VWA5B2: variants seen among roughly 807,000 people sequenced by gnomAD.
VWA5B2 encodes the protein von Willebrand factor A domain-containing protein 5B2.
A neutral mutation model predicts 118.5 loss-of-function variants in VWA5B2; 93 were observed. The ratio of observed to expected loss-of-function variants is 0.79; its 90% CI spans 0.66 to 0.93. VWA5B2 has a LOEUF of 0.93. Ranked by LOEUF, VWA5B2 falls within the 40% of genes least tolerant of loss-of-function variation. The probability of loss-of-function intolerance (pLI) is 0.00; values close to 1 mark genes in which losing one functional copy is unlikely to be tolerated. For synonymous variants in VWA5B2, 708 were observed against 716.3 expected (o/e 0.99, Z 0.19); for missense variants, 1,546 against 1,672.8 (o/e 0.92, Z 1.32).
At chr3:184,236,852 C>G (rs896517883) in intron 11 of VWA5B2, 103 bp downstream of exon 11, 23 of 1,021,116 alleles carry the variant, frequency 2.3e-5, no homozygotes, top group Non-Finnish European at 3.1e-5. Context: ...GGGCTCCTGG[C>G]GCCCTCACCA....
Position 184,237,483 on chromosome 3 carries a change from C to A in VWA5B2, c.1719+72C>A. ...GGGCCTGGGATGGCTGAAGTCCCCG[C>A]ATCTCTTCCAAACCCTTTTTCCATT... On this transcript the variant is annotated intron_variant, in intron 12 of 19. Transcript: ENST00000691901. The surrounding 1 kb of genome is among the most constrained non-coding windows in gnomAD (Gnocchi z 5.6). 7.0e-7 allele frequency: 1 copy of A among 1,425,914 alleles called. No individual in the cohort carries two copies. Among genetic ancestry groups the A allele is most frequent in the Non-Finnish European group, 9.5e-7 (1 of 1,056,938 alleles). The allele number at this position is 1,425,914 out of a possible 1,614,324, so 88.3% of individuals were successfully genotyped here. A position where few individuals can be genotyped will look rare whatever the true frequency, so the allele number is the denominator to read the frequency against.
In VWA5B2 at chr3:184,233,595, G is replaced by A. The variant is rs376273074; in HGVS notation, c.550G>A (p.Val184Met). ...TTCCAGCCCCACCAGCTGCTTCGGG[G>A]TGGGCAGCCTTCAGGAGGAAGGGCT... ...CDDSPTSCFGVGSLQEEGLAW... is the reference protein window; with the variant it reads ...CDDSPTSCFGMGSLQEEGLAW... Residue 184 changes from valine (V) to methionine (M), a missense_variant, in exon 5 of 20, where the codon GTG becomes ATG. This residue lies in a region of VWA5B2 where 775 missense variants were observed against 882.3 expected (regional missense o/e 0.88). Transcript: ENST00000691901. This position sits in a 1 kb window ranked among gnomAD's most constrained non-coding sequence, Gnocchi z 5.2. 2.8e-4 allele frequency: 437 copies of A among 1,550,898 alleles called. 1 individual carries two copies. In the African/African-American group the frequency reaches 5.5e-3, roughly 20 times the overall value.
rs952742768 is a variant in VWA5B2, at chr3:184,233,072, A to G, written c.311-106A>G. The stretch of plus-strand genomic sequence containing the variant: ...GCATTAGCCTAGTGCCAACACGCAA[A>G]GTCCCCCTTGCCCAGGCTCCCTGAC... On this transcript the variant is annotated intron_variant, in intron 3 of 19. Coordinates refer to ENST00000691901, the MANE Select transcript of VWA5B2 (RefSeq NM_001390846.1). This position sits in a 1 kb window ranked among gnomAD's most constrained non-coding sequence, Gnocchi z 5.2. 3 of 996,878 alleles carry G rather than the reference A, an allele frequency of 3.0e-6. No homozygotes were observed. In the Admixed American group the frequency reaches 7.8e-5, roughly 26 times the overall value. The allele number at this position is 996,878 out of a possible 1,614,324, so 61.8% of individuals were successfully genotyped here. A position where few individuals can be genotyped will look rare whatever the true frequency, so the allele number is the denominator to read the frequency against.
rs1717772021 is a variant in VWA5B2, at chr3:184,234,659, G to A, written c.849G>A (p.Glu283=). 5 of 1,551,264 alleles carry A rather than the reference G, an allele frequency of 3.2e-6. No individual in the cohort carries two copies. Among genetic ancestry groups the A allele is most frequent in the Non-Finnish European group, 4.4e-6 (5 of 1,147,002 alleles). The change falls in exon 7 of 20, where the codon GAG becomes GAA. Residue 283 remains glutamate (E), a synonymous_variant. Coordinates refer to ENST00000691901, the MANE Select transcript of VWA5B2 (RefSeq NM_001390846.1). ...SEPHQPHLML[E]GGSLSSAEYE... is the part of the protein sequence containing the mutation. ...CCCATCAGCCACACCTGATGCTGGA[G>A]GGCGGCAGCCTGAGCTCAGCAGAAT...
At chr3:184,240,579 A>T (rs1718479135) in intron 16 of VWA5B2, 9 of 642,028 alleles carry the variant, frequency 1.4e-5, no homozygotes, top group Admixed American at 6.1e-5. Context: ...CTGGGCAGCC[A>T]GGGGGCTCTT....
intron 3 of VWA5B2, among the ~76,000 whole-genome samples, chr3:184,232,367 G>C (rs1156519579): frequency 1.3e-5 from 2 of 152,200 alleles, no homozygotes; most frequent in Non-Finnish European, 2.9e-5. Flanking sequence ...ACTTGATGCT[G>C]TGCTGTCTCC....
In VWA5B2 at chr3:184,242,001, A is replaced by C. The variant is rs1207510777; in HGVS notation, c.3692A>C (p.Gln1231Pro). The C allele has an allele frequency of 6.4e-7, 1 of 1,550,442 alleles. No individual in the cohort carries two copies. Among genetic ancestry groups the C allele is most frequent in the Non-Finnish European group, 8.7e-7 (1 of 1,146,970 alleles). ...CTGCGCCACTGGGACCAAAACCTGC[A>C]GCTACACCTGCTGTGCTACAGCCCA... Reference protein sequence around the residue: ...LLLRHWDQNLQLHLLCYSPAN... With the variant: ...LLLRHWDQNLPLHLLCYSPAN... The change falls in exon 20 of 20, where the codon CAG becomes CCG. Residue 1231 changes from glutamine (Q) to proline (P), a missense_variant. By Grantham distance (76) the Gln-to-Pro change is moderately conservative. This residue lies in a region of VWA5B2 where 763 missense variants were observed against 766.6 expected (regional missense o/e 1.00). Transcript: ENST00000691901.
At position 184,233,872 on chromosome 3, in the gene VWA5B2, T is replaced by A. The variant is rs1418808692; in HGVS notation, c.688+139T>A. On this transcript the variant is annotated intron_variant, in intron 5 of 19. Transcript: ENST00000691901. This position sits in a 1 kb window ranked among gnomAD's most constrained non-coding sequence, Gnocchi z 5.2. Reference sequence around the variant, plus strand: ...ACCCCAGCCTCCGGAACATCTGGGTTAGTGGTGGGAGCATCCCCTGGTCAC... The same window carrying A: ...ACCCCAGCCTCCGGAACATCTGGGTAAGTGGTGGGAGCATCCCCTGGTCAC... The A allele has an allele frequency of 1.6e-6, 2 of 1,235,016 alleles. No homozygotes were observed. Among genetic ancestry groups the A allele is most frequent in the Non-Finnish European group, 1.1e-6 (1 of 908,288 alleles). 76.5% of individuals were successfully genotyped at this position (1,235,016 alleles called of 1,614,324 possible). A position where few individuals can be genotyped will look rare whatever the true frequency, so the allele number is the denominator to read the frequency against.
chr3:184,235,013 G>T, intron 7 of VWA5B2, 140 bp from the exon 8 acceptor site: 1 of 1,188,166 alleles, frequency 8.4e-7, no homozygotes. Flanking sequence ...CTTTGCTCCT[G>T]CCTTTATTCG....
In VWA5B2 at chr3:184,239,272, C is replaced by G; in HGVS notation, c.2203-122C>G. The G allele has an allele frequency of 8.6e-7, 1 of 1,167,774 alleles. No individual in the cohort carries two copies. The highest frequency in any genetic ancestry group is 1.1e-6 in the Non-Finnish European group (1 of 871,528). The allele number at this position is 1,167,774 out of a possible 1,614,324, so 72.3% of individuals were successfully genotyped here. On this transcript the variant is annotated intron_variant, in intron 14 of 19. Transcript: ENST00000691901. The surrounding 1 kb of genome is among the most constrained non-coding windows in gnomAD (Gnocchi z 5.1). ...AGGCCATAAGGAACTTGGCCTTCCT[C>G]CTCAAGCTGGTGAGCGGCCACCCAG...
At position 184,233,034 on chromosome 3, in the gene VWA5B2, C is replaced by A; in HGVS notation, c.311-144C>A. 1 of 674,364 alleles carries A rather than the reference C, an allele frequency of 1.5e-6. No homozygotes were observed. Among genetic ancestry groups the A allele is most frequent in the Non-Finnish European group, 2.6e-6 (1 of 391,042 alleles). 41.8% of individuals were successfully genotyped at this position (674,364 alleles called of 1,614,324 possible). ...CCATCATTCATCTCATGCCTCCATC[C>A]TGCGTCACCAATGCATTAGCCTAGT... On this transcript the variant is annotated intron_variant, in intron 3 of 19. Coordinates refer to ENST00000691901, the MANE Select transcript of VWA5B2 (RefSeq NM_001390846.1). This position sits in a 1 kb window ranked among gnomAD's most constrained non-coding sequence, Gnocchi z 5.2.
chr3:184,241,437 CG>C lies in VWA5B2; in HGVS notation c.3180+37del. The stretch of plus-strand genomic sequence containing the variant: ...CTCGGGAGGTGGAGGGTGGTGCCGC[CG>C]GGGCCGGGCGCTGTTTCAGCTCGCT... On this transcript the variant is annotated intron_variant, in intron 19 of 19. Coordinates refer to ENST00000691901, the MANE Select transcript of VWA5B2 (RefSeq NM_001390846.1). This position sits in a 1 kb window ranked among gnomAD's most constrained non-coding sequence, Gnocchi z 5.1. 6.4e-7 allele frequency: 1 copy of C among 1,567,526 alleles called. No individual in the cohort carries two copies. The highest frequency in any genetic ancestry group is 8.7e-7 in the Non-Finnish European group (1 of 1,154,854).
chr3:184,231,101 T>G (rs1162669806), intron 3 of VWA5B2, among the ~76,000 whole-genome samples, 184 bp downstream of exon 3: 2 of 152,188 alleles, frequency 1.3e-5, no homozygotes, highest in African/African-American at 4.8e-5. Context: ...TGGGAGAACA[T>G]GGCCCGGAGG....
In VWA5B2 at chr3:184,236,461, G is replaced by C; in HGVS notation, c.1331G>C (p.Arg444Pro). ...CAGCCCCAGCACAGGGCCTACCCTC[G>C]GCAGCTGTTCCTGCTCACTGCTGCC... ...VGQPQHRAYP[R>P]QLFLLTAASP... Residue 444 changes from arginine to proline, a missense_variant, in exon 10 of 20, where the codon CGG becomes CCG. Around this residue, in one of 3 missense-constraint regions of VWA5B2, gnomAD observed 775 missense variants for 882.3 expected, o/e 0.88. Transcript: ENST00000691901. 1 of 1,546,600 alleles carries C rather than the reference G, an allele frequency of 6.5e-7. No individual in the cohort carries two copies. Among genetic ancestry groups the C allele is most frequent in the South Asian group, 1.2e-5 (1 of 84,064 alleles).
chr3:184,235,049 TG>T, intron 7 of VWA5B2, 103 bp from the exon 8 acceptor site: 1 of 1,376,772 alleles, frequency 7.3e-7, no homozygotes. Flanking sequence ...ATGTCCCCTC[TG>T]GGTGGATCAG....
chr3:184,230,757 G>A lies in VWA5B2; in HGVS notation c.150G>A (p.Val50=). 1 of 1,225,690 alleles carries A rather than the reference G, an allele frequency of 8.2e-7. No homozygotes were observed. Among genetic ancestry groups the A allele is most frequent in the Non-Finnish European group, 1.0e-6 (1 of 984,832 alleles). The allele number at this position is 1,225,690 out of a possible 1,614,324, so 75.9% of individuals were successfully genotyped here. The part of the protein sequence containing the change: ...PQPQPVDGVF[V]YPLAEAEVVS... ...CGCCGCCCTCCCCAGGCGTGTTCGT[G>A]TACCCGCTGGCCGAGGCCGAGGTGG... Residue 50 remains valine (V), a synonymous_variant, in exon 3 of 20, where the codon GTG becomes GTA. Transcript: ENST00000691901.
chr3:184,233,282 G>C lies in VWA5B2; in HGVS notation c.415G>C (p.Glu139Gln). 1 of 1,544,318 alleles carries C rather than the reference G, an allele frequency of 6.5e-7. No individual in the cohort carries two copies. Among genetic ancestry groups the C allele is most frequent in the Non-Finnish European group, 8.7e-7 (1 of 1,143,716 alleles). ...GACGGTGACCCTGCACAGCAGCCGG[G>C]AGCTGCCCTCAAGGCCTGACGGGGT... ...TMTVTLHSSR[E>Q]LPSRPDGVLH... The change falls in exon 4 of 20, where the codon GAG (glutamate) becomes CAG (glutamine). Residue 139 changes from glutamate to glutamine, a missense_variant. Physicochemically the swap from Glu to Gln is conservative, Grantham distance 29. Coordinates refer to ENST00000691901, the MANE Select transcript of VWA5B2 (RefSeq NM_001390846.1). This position sits in a 1 kb window ranked among gnomAD's most constrained non-coding sequence, Gnocchi z 5.2.
At position 184,239,287 on chromosome 3, in the gene VWA5B2, C is replaced by A; in HGVS notation, c.2203-107C>A. On this transcript the variant is annotated intron_variant, in intron 14 of 19. Transcript: ENST00000691901. The surrounding 1 kb of genome is among the most constrained non-coding windows in gnomAD (Gnocchi z 5.1). ...TGGCCTTCCTCCTCAAGCTGGTGAGCGGCCACCCAGGGTTTCAGAAAAGGG... is the reference window on the plus strand; with the variant it reads ...TGGCCTTCCTCCTCAAGCTGGTGAGAGGCCACCCAGGGTTTCAGAAAAGGG... The A allele has an allele frequency of 1.6e-6, 2 of 1,270,520 alleles. No homozygotes were observed. The highest frequency in any genetic ancestry group is 1.5e-5 in the African/African-American group (1 of 65,614). The allele number at this position is 1,270,520 out of a possible 1,614,324, so 78.7% of individuals were successfully genotyped here. A position where few individuals can be genotyped will look rare whatever the true frequency, so the allele number is the denominator to read the frequency against.
At position 184,234,758 on chromosome 3, in the gene VWA5B2, A is replaced by G. The variant is rs777868499; in HGVS notation, c.945+3A>G. Reference sequence around the variant, plus strand: ...GGGACAGTGATGGGGACCGGCAGGTACCGCCATAGGAGCCTGGCCTGGCCC... The same window carrying G: ...GGGACAGTGATGGGGACCGGCAGGTGCCGCCATAGGAGCCTGGCCTGGCCC... On this transcript the variant is annotated splice_donor_region_variant and intron_variant, in intron 7 of 19. Coordinates refer to ENST00000691901, the MANE Select transcript of VWA5B2 (RefSeq NM_001390846.1). 2 of 1,550,206 alleles carry G rather than the reference A, an allele frequency of 1.3e-6. No individual in the cohort carries two copies. The highest frequency in any genetic ancestry group is 1.4e-5 in the African/African-American group (1 of 73,024).
Sources: gnomAD v4.1 joint callset for allele counts (sites outside exome capture counted in the v4.1 genomes callset) on GRCh38, gnomAD v4.1.1 for gene constraint, gnomAD v4.1.1 regional missense constraint, Gnocchi (gnomAD v3.1) non-coding constraint, MANE v1.5 for transcripts, NCBI Gene and HGNC (gene_info 2026-07-23, HGNC 2026-07-21) for gene names.